The following CTNNA2 variants were observed in gnomAD, a reference collection of about 807,000 sequenced individuals.
CTNNA2 encodes catenin alpha-2.
In CTNNA2, 42 loss-of-function variants were observed where a neutral mutation model predicts 101.0. That is an observed-to-expected ratio of 0.42 (90% CI 0.32 to 0.54). The LOEUF (loss-of-function observed/expected upper bound fraction) is 0.54. CTNNA2 is among the 20% of genes least tolerant of loss of function. The probability of loss-of-function intolerance (pLI) is 0.14; values close to 1 mark genes in which losing one functional copy is unlikely to be tolerated. For missense variants in CTNNA2, 871 were observed against 1,223.1 expected (o/e 0.71, Z 4.29); for synonymous variants, 450 against 456.4 (o/e 0.99, Z 0.18).
At chr2:79,411,000 G>T (rs1467279859) in intron 4 of CTNNA2, among the ~76,000 whole-genome samples, 2 of 152,112 alleles carry the variant, frequency 1.3e-5, no homozygotes, top group African/African-American at 4.8e-5. Context: ...CCTACTCAGA[G>T]GTTTAACTTC....
At chr2:79,315,572 C>A (rs988755950) in intron 3 of CTNNA2, among the ~76,000 whole-genome samples, 1 of 152,068 alleles carries the variant, frequency 6.6e-6, no homozygotes, top group African/African-American at 2.4e-5. Context: ...AAGATATATC[C>A]ATATTTCATT....
chr2:80,600,993 A>G (rs1697446948), intron 15 of CTNNA2, among the ~76,000 whole-genome samples: 1 of 152,202 alleles, frequency 6.6e-6, no homozygotes, highest in African/African-American at 2.4e-5. Flanking sequence ...AGCTTTTTCA[A>G]GATCTGATGA....
intron 18 of CTNNA2, among the ~76,000 whole-genome samples, chr2:80,629,060 T>TGC (rs1261661554): frequency 6.6e-6 from 1 of 152,156 alleles, no homozygotes; most frequent in East Asian, 1.9e-4. Context: ...GGTATTGATG[T>TGC]GCACCATACA....
rs565508890 is a variant in CTNNA2 at position 79,623,698 on chromosome 2, G to C, written c.-5-27854G>C. Among the ~76,000 whole-genome samples, 4 of 152,170 alleles carry C rather than the reference G, an allele frequency of 2.6e-5. No homozygotes were observed. In the East Asian group the frequency reaches 7.7e-4, roughly 29 times the overall value. On this transcript the variant is annotated intron_variant, in intron 1 of 18. Transcript: ENST00000402739. ...GATGTCCCCTATTTTAAGAAAGCATGCAACAAAATTCAGATGCATGTGTAC... is the reference window on the plus strand; with the variant it reads ...GATGTCCCCTATTTTAAGAAAGCATCCAACAAAATTCAGATGCATGTGTAC...
intron 7 of CTNNA2, among the ~76,000 whole-genome samples, chr2:80,372,021 C>G (rs769145460): frequency 1.3e-5 from 2 of 152,006 alleles, no homozygotes; most frequent in South Asian, 4.1e-4. Flanking sequence ...ACTTGTCGTC[C>G]GAATTGAAGC....
At chr2:79,549,178 A>C (rs756021508) in intron 1 of CTNNA2, among the ~76,000 whole-genome samples, 3 of 152,190 alleles carry the variant, frequency 2.0e-5, no homozygotes, top group Non-Finnish European at 4.4e-5. Context: ...TATATCATTT[A>C]AAAAAGATAT....
At chr2:79,463,319 A>G (rs1051643485) in intron 4 of CTNNA2, among the ~76,000 whole-genome samples, 1 of 151,488 alleles carries the variant, frequency 6.6e-6, no homozygotes, top group Non-Finnish European at 1.5e-5. Context: ...GAGGCAGGAG[A>G]ATAGCTTGAA....
At chr2:80,558,097 C>T (rs781694880) in intron 12 of CTNNA2, among the ~76,000 whole-genome samples, 29 of 152,014 alleles carry the variant, frequency 1.9e-4, no homozygotes, top group Non-Finnish European at 3.7e-4. Flanking sequence ...GGAAAGTAAC[C>T]AGGCAGAGAC....
chr2:79,220,487 T>G (rs902998060), intron 2 of CTNNA2, among the ~76,000 whole-genome samples: 1 of 152,086 alleles, frequency 6.6e-6, no homozygotes, highest in African/African-American at 2.4e-5. Context: ...GGTGGGTCCC[T>G]GTAAGAATTA....
intron 6 of CTNNA2, among the ~76,000 whole-genome samples, chr2:79,905,748 A>C (rs1474588178): frequency 6.6e-6 from 1 of 152,162 alleles, no homozygotes; most frequent in Admixed American, 6.5e-5. Flanking sequence ...CCCTGTGTTC[A>C]TGGCTGTTTG....
chr2:79,644,965 G>A (rs774253936), intron 1 of CTNNA2, among the ~76,000 whole-genome samples: 21 of 151,880 alleles, frequency 1.4e-4, no homozygotes, highest in Non-Finnish European at 2.8e-4. Context: ...GACAATTTAG[G>A]TTCAAGTTTT....
intron 2 of CTNNA2, among the ~76,000 whole-genome samples, chr2:79,289,355 G>A (rs1020956676): frequency 6.6e-6 from 1 of 152,160 alleles, no homozygotes; most frequent in African/African-American, 2.4e-5. Context: ...ATTTAATGAT[G>A]AAGACAACAA....
chr2:79,280,685 A>AAG (rs1303364237), intron 2 of CTNNA2, among the ~76,000 whole-genome samples: 1 of 88,446 alleles, frequency 1.1e-5, no homozygotes, highest in Non-Finnish European at 2.3e-5. Flanking sequence ...GAGAGAGAGA[A>AAG]AGAGAGAGAG....
intron 3 of CTNNA2, among the ~76,000 whole-genome samples, chr2:79,805,172 TC>T (rs1173137285): frequency 6.6e-6 from 1 of 152,102 alleles, no homozygotes; most frequent in South Asian, 2.1e-4. Flanking sequence ...AGAGAATGAG[TC>T]CCCTGTCCCA....
intron 3 of CTNNA2, among the ~76,000 whole-genome samples, chr2:79,347,435 G>A (rs970893392): frequency 2.6e-5 from 4 of 152,158 alleles, no homozygotes; most frequent in African/African-American, 9.7e-5. Flanking sequence ...GGGTTGTTGG[G>A]AGAATTAAAT....
intron 13 of CTNNA2, among the ~76,000 whole-genome samples, chr2:80,580,640 T>C (rs1329210009): frequency 6.6e-6 from 1 of 152,162 alleles, no homozygotes; most frequent in East Asian, 1.9e-4. Flanking sequence ...TATGTAAAAG[T>C]TATTTAATCC....
chr2:79,436,133 A>G (rs529165601), intron 4 of CTNNA2, among the ~76,000 whole-genome samples: 7 of 152,290 alleles, frequency 4.6e-5, no homozygotes, highest in Admixed American at 4.6e-4. Flanking sequence ...CGTAATCTCA[A>G]GATTGAGCAA....
chr2:79,265,635 G>T (rs1352712627), intron 2 of CTNNA2, among the ~76,000 whole-genome samples: 1 of 152,152 alleles, frequency 6.6e-6, no homozygotes, highest in Non-Finnish European at 1.5e-5. Flanking sequence ...AAAGCCAAGG[G>T]TTTGGCTGAA....
chr2:79,612,374 C>T (rs1434361147), intron 1 of CTNNA2, among the ~76,000 whole-genome samples: 1 of 152,084 alleles, frequency 6.6e-6, no homozygotes, highest in Admixed American at 6.6e-5. Flanking sequence ...AATCAAAATC[C>T]ATGGCTTTGT....
Sources: gnomAD v4.1 joint callset for allele counts (sites outside exome capture counted in the v4.1 genomes callset) on GRCh38, gnomAD v4.1.1 for gene constraint, MANE v1.5 for transcripts, NCBI Gene and HGNC (gene_info 2026-07-23, HGNC 2026-07-21) for gene names.